Variants in AFTPH observed in about 807,000 individuals in gnomAD.
AFTPH encodes the protein aftiphilin protein.
Under a neutral mutation model 72.5 loss-of-function variants are expected in AFTPH, and 7 were observed. The ratio of observed to expected loss-of-function variants is 0.10; its 90% CI spans 0.05 to 0.18. The LOEUF (loss-of-function observed/expected upper bound fraction) is 0.18, where lower values mean the gene tolerates loss of function less well. Ranked by LOEUF, AFTPH falls within the 10% of genes least tolerant of loss-of-function variation. AFTPH has a pLI of 1.00. For missense variants in AFTPH, 979 were observed against 1,060.5 expected, an observed-to-expected ratio of 0.92 and a Z score of 1.07; for synonymous variants, 337 against 370.1, an observed-to-expected ratio of 0.91 and a Z score of 1.03.
intron 1 of AFTPH, among the ~76,000 whole-genome samples, chr2:64,537,053 A>G (rs1464622705): frequency 2.0e-5 from 3 of 151,850 alleles, no homozygotes; most frequent in African/African-American, 7.3e-5. Context: ...TATTAGTAAT[A>G]TAGCTTTCTC....
chr2:64,586,883 A>G (rs747573729), intron 8 of AFTPH, among the ~76,000 whole-genome samples: 1 of 152,260 alleles, frequency 6.6e-6, no homozygotes, highest in African/African-American at 2.4e-5. Context: ...ACTAAAAGCT[A>G]ACACACATTT....
intron 2 of AFTPH, among the ~76,000 whole-genome samples, chr2:64,557,123 CTTTT>C (rs996127437): frequency 2.0e-5 from 3 of 151,436 alleles, no homozygotes; most frequent in Non-Finnish European, 2.9e-5. Context: ...TTTTTTTTAA[CTTTT>C]TTGTTTCAGA....
At chr2:64,534,677 G>A (rs947877219) in intron 1 of AFTPH, among the ~76,000 whole-genome samples, 3 of 151,486 alleles carry the variant, frequency 2.0e-5, no homozygotes, top group African/African-American at 7.3e-5. Flanking sequence ...TGTTGGTGTT[G>A]CTGTTCACAT....
At chr2:64,579,943 ATTAT>A (rs1425283317) in intron 7 of AFTPH, 1 of 158,186 alleles carries the variant, frequency 6.3e-6, no homozygotes, top group African/African-American at 2.7e-5. Flanking sequence ...ACAAAGCACA[ATTAT>A]TTAGCCAAAA....
intron 1 of AFTPH, among the ~76,000 whole-genome samples, chr2:64,534,922 A>G (rs757193407): frequency 2.6e-5 from 4 of 152,150 alleles, no homozygotes; most frequent in African/African-American, 4.8e-5. Flanking sequence ...TGTTGTTTCA[A>G]AAATTGTCAC....
chr2:64,553,610 A>G (rs760367670), intron 2 of AFTPH, among the ~76,000 whole-genome samples: 1 of 151,922 alleles, frequency 6.6e-6, no homozygotes, highest in African/African-American at 2.4e-5. Flanking sequence ...AGTAAAGCGC[A>G]GTAAGATTTT....
chr2:64,579,959 CAG>C (rs1673074158), intron 7 of AFTPH: 1 of 160,134 alleles, frequency 6.2e-6, no homozygotes, highest in African/African-American at 2.4e-5. Context: ...TAGCCAAAAA[CAG>C]TGTGCATAGA....
intron 2 of AFTPH, among the ~76,000 whole-genome samples, chr2:64,561,294 G>A (rs1024413268): frequency 6.6e-6 from 1 of 152,216 alleles, no homozygotes; most frequent in African/African-American, 2.4e-5. Flanking sequence ...CTGGTATTCA[G>A]CTAGCCAGTC....
chr2:64,590,420 G>A (rs548773065), intron 8 of AFTPH, among the ~76,000 whole-genome samples: 4 of 152,258 alleles, frequency 2.6e-5, no homozygotes, highest in African/African-American at 9.6e-5. Flanking sequence ...CACATCAGAA[G>A]ATCCATACAT....
chr2:64,570,961 C>A (rs985995295), intron 5 of AFTPH, among the ~76,000 whole-genome samples: 3 of 118,378 alleles, frequency 2.5e-5, no homozygotes, highest in Non-Finnish European at 4.9e-5. Flanking sequence ...TCTGTCAGCT[C>A]ATACCTATGG....
At chr2:64,524,511 C>T in exon 1 of AFTPH, 1 of 399,744 alleles carries the variant, frequency 2.5e-6, no homozygotes, top group Non-Finnish European at 4.4e-6. Flanking sequence ...CGGCCTTCCG[C>T]TCTCACCAGT....
chr2:64,574,387 A>T (rs949565773), intron 6 of AFTPH, among the ~76,000 whole-genome samples: 3 of 151,834 alleles, frequency 2.0e-5, no homozygotes, highest in African/African-American at 7.3e-5. Flanking sequence ...CCACCCTTAG[A>T]GATCACAACA....
chr2:64,524,442 G>C, exon 1 of AFTPH: 1 of 403,128 alleles, frequency 2.5e-6, no homozygotes, highest in Non-Finnish European at 4.4e-6. Flanking sequence ...TCCCGCGGCA[G>C]CGGTGAAACT....
intron 2 of AFTPH, among the ~76,000 whole-genome samples, chr2:64,564,700 A>G (rs557972614): frequency 1.6e-3 from 237 of 152,288 alleles, no homozygotes; most frequent in African/African-American, 5.5e-3. Context: ...TTGAAGTGTT[A>G]TTATACCAGT....
chr2:64,552,052 A>G, exon 2 of AFTPH: 2 of 1,613,964 alleles, frequency 1.2e-6, no homozygotes, highest in East Asian at 2.2e-5. Flanking sequence ...GAAACTGTAA[A>G]TCCTCAGGGA....
intron 8 of AFTPH, 117 bp from the exon 10 acceptor site, chr2:64,591,771 A>G: frequency 8.8e-7 from 1 of 1,130,794 alleles, no homozygotes; most frequent in East Asian, 2.4e-5. Flanking sequence ...CTAGCAGAGG[A>G]AAAAATACTC....
intron 8 of AFTPH, among the ~76,000 whole-genome samples, chr2:64,585,862 C>G (rs377373689): frequency 1.9e-4 from 28 of 147,246 alleles, no homozygotes; most frequent in East Asian, 1.7e-3. Context: ...TAGAAACACT[C>G]TCCCTTTCTC....
intron 1 of AFTPH, among the ~76,000 whole-genome samples, chr2:64,529,759 A>G (rs1240245342): frequency 1.3e-5 from 2 of 151,884 alleles, no homozygotes; most frequent in African/African-American, 4.8e-5. Context: ...CCTCCTAAAT[A>G]GCTGGGACCA....
At chr2:64,571,191 T>G (rs1357940916) in intron 5 of AFTPH, among the ~76,000 whole-genome samples, 4 of 152,098 alleles carry the variant, frequency 2.6e-5, no homozygotes, top group African/African-American at 9.7e-5. Flanking sequence ...TTTAAGCCAC[T>G]GGTTCTCAAA....
Sources: allele counts gnomAD v4.1 joint callset (sites outside exome capture counted in the v4.1 genomes callset), GRCh38; gene constraint gnomAD v4.1.1; transcripts MANE v1.5; gene names NCBI Gene and HGNC (gene_info 2026-07-23, HGNC 2026-07-21).